TBC1D30: variants seen among roughly 807,000 people sequenced by gnomAD.
TBC1D30 encodes TBC1 domain family member 30, also known as TBC1 domain family, member 30.
A neutral mutation model predicts 63.2 loss-of-function variants in TBC1D30; 31 were observed. The observed-to-expected ratio is 0.49, with a 90% CI of 0.37 to 0.66. TBC1D30 has a LOEUF of 0.66. Among genes scored for constraint, TBC1D30 ranks in the 30% least tolerant of loss-of-function variants. The pLI, the probability that TBC1D30 is intolerant of heterozygous loss-of-function variation, is 0.00. For synonymous variants in TBC1D30, 307 were observed against 361.5 expected, an observed-to-expected ratio of 0.85 and a Z score of 1.71; for missense variants, 810 against 953.6, an observed-to-expected ratio of 0.85 and a Z score of 1.98.
chr12:64,802,718 T>C (rs1325469662), intron 2 of TBC1D30, among the ~76,000 whole-genome samples: 1 of 152,168 alleles, frequency 6.6e-6, no homozygotes, highest in African/African-American at 2.4e-5. Context: ...CATTGTTCAG[T>C]TCCCACCTAT....
Position 64,875,467 on chromosome 12 carries a change from G to C in TBC1D30, c.1965G>C (p.Lys655Asn). Residue 655 changes from lysine (K) to asparagine (N), a missense_variant, in exon 12 of 12, where the codon AAG (lysine) becomes AAC (asparagine). Physicochemically the swap from Lys to Asn is moderately conservative, Grantham distance 94. This residue lies in a region of TBC1D30 where 450 missense variants were observed against 473.0 expected (regional missense o/e 0.95). Transcript: ENST00000539867. ...TGGATGTGTCTGCAGTTCAGGCGAA[G>C]TTGGGAGCCCTGGAACTGAACCAGA... ...ADVDVSAVQA[K>N]LGALELNQRD... is the part of the protein sequence containing the mutation. 2 of 1,536,206 alleles carry C rather than the reference G, an allele frequency of 1.3e-6. No individual in the cohort carries two copies. The highest frequency in any genetic ancestry group is 1.7e-6 in the Non-Finnish European group (2 of 1,146,938).
intron 8 of TBC1D30, among the ~76,000 whole-genome samples, chr12:64,852,296 C>T (rs1190838054): frequency 6.6e-6 from 1 of 152,008 alleles, no homozygotes; most frequent in Admixed American, 6.6e-5. Context: ...ATCAGTTTGG[C>T]TATTGACACT....
At position 64,866,824 on chromosome 12, in the gene TBC1D30, C is replaced by T. The variant is rs202245033; in HGVS notation, c.1212C>T (p.Val404=). The T allele has an allele frequency of 2.0e-6, 3 of 1,536,434 alleles. No homozygotes were observed. The highest frequency in any genetic ancestry group is 1.2e-5 in the South Asian group (1 of 84,046). ...ATGACCCAGACGATGAGGATGCTGT[C>T]GTTAATGCAGTGGGGTGTCTTGGAC... ...EENDPDDEDA[V]VNAVGCLGPF... The change falls in exon 10 of 12, where the codon GTC becomes GTT. Residue 404 remains valine (V), a synonymous_variant. Coordinates refer to ENST00000539867, the MANE Select transcript of TBC1D30 (RefSeq NM_015279.2).
chr12:64,802,447 TC>T (rs1443188590), intron 2 of TBC1D30, among the ~76,000 whole-genome samples: 3 of 152,144 alleles, frequency 2.0e-5, no homozygotes, highest in Non-Finnish European at 1.5e-5. Flanking sequence ...GGACGACTCT[TC>T]CTGCCCTGTT....
chr12:64,824,730 C>A lies in TBC1D30; in HGVS notation c.-150C>A. 1 of 1,122,862 alleles carries A rather than the reference C, an allele frequency of 8.9e-7. No individual in the cohort carries two copies. The highest frequency in any genetic ancestry group is 1.2e-6 in the Non-Finnish European group (1 of 826,152). 69.6% of individuals were successfully genotyped at this position (1,122,862 alleles called of 1,614,324 possible). A position where few individuals can be genotyped will look rare whatever the true frequency, so the allele number is the denominator to read the frequency against. On this transcript the variant is annotated 5_prime_UTR_variant, in exon 1 of 12. Transcript: ENST00000539867. ...GCGGTGCCCCGTAAGTCCCCGTGAC[C>A]CTCCAGCACCAGCCGGCTGTGCGCT...
At position 64,874,048 on chromosome 12, in the gene TBC1D30, A is replaced by G. The variant is rs191653056; in HGVS notation, c.1499-953A>G. On this transcript the variant is annotated intron_variant, in intron 11 of 11. Coordinates refer to ENST00000539867, the MANE Select transcript of TBC1D30 (RefSeq NM_015279.2). The stretch of plus-strand genomic sequence containing the variant: ...GTCTGGTCATAGCCGCAGGTGGTCA[A>G]TGATAATGCCATCGACAGTGCCTTC... 5.9e-5 allele frequency among the ~76,000 whole-genome samples: 9 copies of G among 152,328 alleles called. No individual in the cohort carries two copies. The South Asian group carries it at 8.3e-4, about 14-fold the overall frequency.
At chr12:64,814,248 T>C (rs542738056) in intron 2 of TBC1D30, among the ~76,000 whole-genome samples, 3 of 152,240 alleles carry the variant, frequency 2.0e-5, no homozygotes, top group East Asian at 3.9e-4. Context: ...GGCTGTGCCA[T>C]GTTGGCTAGG....
At position 64,878,723 on chromosome 12, in the gene TBC1D30, A is replaced by C; in HGVS notation, c.*2935A>C. On this transcript the variant is annotated 3_prime_UTR_variant, in exon 12 of 12. Transcript: ENST00000539867. ...CTTCTTCCTTCACCCCCAACCCCAG[A>C]CCCCCCTTGGTCACATGAACCAGGG... The C allele has an allele frequency of 1.2e-5, 4 of 344,112 alleles. No homozygotes were observed. Among genetic ancestry groups the C allele is most frequent in the South Asian group, 2.3e-5 (1 of 44,346 alleles). The allele number at this position is 344,112 out of a possible 1,614,324, so 21.3% of individuals were successfully genotyped here. A position where few individuals can be genotyped will look rare whatever the true frequency, so the allele number is the denominator to read the frequency against.
intron 10 of TBC1D30, 127 bp from the exon 11 acceptor site, chr12:64,870,475 G>A (rs969407717): frequency 5.9e-5 from 43 of 729,372 alleles, no homozygotes; most frequent in Non-Finnish European, 8.9e-5. Context: ...TCTAGTATGC[G>A]TTTTTTTCTG....
chr12:64,809,244 G>GC (rs1040993338), intron 2 of TBC1D30, among the ~76,000 whole-genome samples: 1 of 142,130 alleles, frequency 7.0e-6, no homozygotes, highest in Non-Finnish European at 1.5e-5. Context: ...TTTATCCTTT[G>GC]CCCCCCTCCC....
Position 64,879,162 on chromosome 12 carries a change from CT to C in TBC1D30, c.*3377del, listed in dbSNP as rs1334128434. On this transcript the variant is annotated 3_prime_UTR_variant, in exon 12 of 12. Coordinates refer to ENST00000539867, the MANE Select transcript of TBC1D30 (RefSeq NM_015279.2). The stretch of plus-strand genomic sequence containing the variant: ...TCAATACTCTGATATAGATATAGAT[CT>C]TTCCAGTACGTTTGTGTATGTGTGT... 6.6e-6 allele frequency: 1 copy of C among 152,342 alleles called. No individual in the cohort carries two copies. Among genetic ancestry groups the C allele is most frequent in the Non-Finnish European group, 1.5e-5 (1 of 68,162 alleles). 9.4% of individuals were successfully genotyped at this position (152,342 alleles called of 1,614,324 possible). A position where few individuals can be genotyped will look rare whatever the true frequency, so the allele number is the denominator to read the frequency against.
At chr12:64,773,534 G>A (rs1451260443) in intron 1 of TBC1D30, among the ~76,000 whole-genome samples, 2 of 152,220 alleles carry the variant, frequency 1.3e-5, no homozygotes, top group Admixed American at 1.3e-4. Context: ...CCTTTTGACT[G>A]GGTGAGATCT....
At chr12:64,806,124 C>G (rs1259641570) in intron 2 of TBC1D30, among the ~76,000 whole-genome samples, 1 of 152,252 alleles carries the variant, frequency 6.6e-6, no homozygotes, top group Middle Eastern at 3.2e-3. Context: ...GCTGTATGTA[C>G]TGTTCAATTT....
At chr12:64,827,718 G>A in intron 1 of TBC1D30, 117 bp from the exon 2 acceptor site, 1 of 737,394 alleles carries the variant, frequency 1.4e-6, no homozygotes, top group South Asian at 2.0e-5. Context: ...ATTTAGTAAA[G>A]ATACATACTT....
At chr12:64,795,845 CT>C (rs1234984154) in intron 2 of TBC1D30, among the ~76,000 whole-genome samples, 2 of 149,374 alleles carry the variant, frequency 1.3e-5, no homozygotes, top group African/African-American at 4.9e-5. Context: ...CCCAGATGTG[CT>C]TTTTCCTTTT....
At chr12:64,845,747 G>C (rs1159500165) in intron 8 of TBC1D30, among the ~76,000 whole-genome samples, 5 of 146,086 alleles carry the variant, frequency 3.4e-5, no homozygotes, top group African/African-American at 1.0e-4. Context: ...AAAAAAAATC[G>C]CTCCTGGGTT....
rs1020409225 is a variant in TBC1D30 at position 64,879,634 on chromosome 12, A to G, written c.*3846A>G. ...CAGAAGTGTTTTAGAAGCAGTGATA[A>G]TGAACACTCATAACACCCATACCTC... On this transcript the variant is annotated 3_prime_UTR_variant, in exon 12 of 12. Coordinates refer to ENST00000539867, the MANE Select transcript of TBC1D30 (RefSeq NM_015279.2). 1 of 152,216 alleles carries G rather than the reference A, an allele frequency of 6.6e-6. No homozygotes were observed. Among genetic ancestry groups the G allele is most frequent in the African/African-American group, 2.4e-5 (1 of 41,460 alleles). 9.4% of individuals were successfully genotyped at this position (152,216 alleles called of 1,614,324 possible).
chr12:64,809,779 G>T (rs144911983), intron 2 of TBC1D30, among the ~76,000 whole-genome samples: 256 of 152,124 alleles, frequency 1.7e-3, no homozygotes, highest in African/African-American at 5.8e-3. Flanking sequence ...TTGTGGCTTT[G>T]GATCAATAAT....
chr12:64,824,832 G>A lies in TBC1D30; in HGVS notation c.-48G>A, dbSNP rs985355059. On this transcript the variant is annotated 5_prime_UTR_variant, in exon 1 of 12. Transcript: ENST00000539867. ...TCAGCCGCTCAGCGAGTGGGGTAGCGGGGACCGAGACGGACGGTAGCCGTG... is the reference window on the plus strand; with the variant it reads ...TCAGCCGCTCAGCGAGTGGGGTAGCAGGGACCGAGACGGACGGTAGCCGTG... 2.0e-6 allele frequency: 3 copies of A among 1,522,264 alleles called. No individual in the cohort carries two copies. The highest frequency in any genetic ancestry group is 1.4e-5 in the African/African-American group (1 of 72,722). The allele number at this position is 1,522,264 out of a possible 1,614,324, so 94.3% of individuals were successfully genotyped here.
Sources: gnomAD v4.1 joint callset for allele counts (sites outside exome capture counted in the v4.1 genomes callset) on GRCh38, gnomAD v4.1.1 for gene constraint, gnomAD v4.1.1 regional missense constraint, MANE v1.5 for transcripts, NCBI Gene and HGNC (gene_info 2026-07-23, HGNC 2026-07-21) for gene names.